The following GRM7 variants were observed in gnomAD, a reference collection of about 807,000 sequenced individuals.
GRM7 encodes metabotropic glutamate receptor 7.
A neutral mutation model predicts 84.5 loss-of-function variants in GRM7; 35 were observed. That is an observed-to-expected ratio of 0.41 (90% CI 0.32 to 0.55). GRM7 has a LOEUF of 0.55. GRM7 is among the 20% of genes least tolerant of loss of function. The probability of loss-of-function intolerance (pLI) is 0.19; values close to 1 mark genes in which losing one functional copy is unlikely to be tolerated. For synonymous variants in GRM7, 487 were observed against 455.1 expected, an observed-to-expected ratio of 1.07 and a Z score of -0.89; for missense variants, 1,003 against 1,194.6, an observed-to-expected ratio of 0.84 and a Z score of 2.36.
At chr3:7,202,949 T>A (rs1441547347) in intron 2 of GRM7, among the ~76,000 whole-genome samples, 2 of 151,988 alleles carry the variant, frequency 1.3e-5, no homozygotes, top group Non-Finnish European at 2.9e-5. Context: ...CATAACATTT[T>A]CTATTATTAA....
At chr3:7,256,319 A>C (rs539959912) in intron 2 of GRM7, among the ~76,000 whole-genome samples, 1 of 152,348 alleles carries the variant, frequency 6.6e-6, no homozygotes, top group African/African-American at 2.4e-5. Flanking sequence ...ACATTGTCTA[A>C]TGTCCATTAG....
At chr3:7,041,489 T>C (rs555586648) in intron 1 of GRM7, among the ~76,000 whole-genome samples, 5 of 152,248 alleles carry the variant, frequency 3.3e-5, no homozygotes, top group Non-Finnish European at 7.3e-5. Flanking sequence ...AGTATTCCAT[T>C]GTATGAACAT....
chr3:7,104,519 C>A lies in GRM7; in HGVS notation c.520-41933C>A, dbSNP rs549588635. On this transcript the variant is annotated intron_variant, in intron 1 of 9. Transcript: ENST00000357716. Reference sequence around the variant, plus strand: ...CTTATCAGTTAGGATCCATTATCAGCGCTACAGAAATAACTCTCAAATCTT... The same window carrying A: ...CTTATCAGTTAGGATCCATTATCAGAGCTACAGAAATAACTCTCAAATCTT... Among the ~76,000 whole-genome samples the A allele has an allele frequency of 2.0e-5, 3 of 151,864 alleles. No individual in the cohort carries two copies. In the East Asian group the frequency reaches 5.8e-4, roughly 29 times the overall value.
chr3:7,226,631 G>A (rs1696990730), intron 2 of GRM7, among the ~76,000 whole-genome samples: 1 of 152,126 alleles, frequency 6.6e-6, no homozygotes, highest in Non-Finnish European at 1.5e-5. Flanking sequence ...ATACTATGGT[G>A]GGACTTACAG....
At chr3:7,476,003 A>G (rs1490953594) in intron 7 of GRM7, among the ~76,000 whole-genome samples, 2 of 152,178 alleles carry the variant, frequency 1.3e-5, no homozygotes, top group African/African-American at 4.8e-5. Context: ...TTTTCTGAAA[A>G]AAATGGAGAG....
At chr3:7,232,770 C>T (rs1441393757) in intron 2 of GRM7, among the ~76,000 whole-genome samples, 2 of 152,152 alleles carry the variant, frequency 1.3e-5, no homozygotes. Flanking sequence ...ATGAAGTTTA[C>T]ACAGCTAGTA....
At chr3:7,514,458 T>C (rs551547583) in intron 7 of GRM7, among the ~76,000 whole-genome samples, 2 of 152,258 alleles carry the variant, frequency 1.3e-5, no homozygotes, top group East Asian at 3.9e-4. Context: ...TTTTCAGAAG[T>C]TTGGTCAAAG....
At chr3:7,226,143 G>A (rs1310534820) in intron 2 of GRM7, among the ~76,000 whole-genome samples, 5 of 152,130 alleles carry the variant, frequency 3.3e-5, no homozygotes, top group Non-Finnish European at 7.3e-5. Context: ...TTTAGAGCAG[G>A]TCTATTCATC....
intron 7 of GRM7, among the ~76,000 whole-genome samples, chr3:7,514,108 C>T (rs1297425489): frequency 6.6e-6 from 1 of 152,198 alleles, no homozygotes; most frequent in East Asian, 1.9e-4. Flanking sequence ...TGAGAATGAA[C>T]CTTCCAGAAA....
chr3:7,300,794 G>A (rs1699971810), intron 3 of GRM7, among the ~76,000 whole-genome samples: 1 of 149,936 alleles, frequency 6.7e-6, no homozygotes. Flanking sequence ...TTGTTTATGT[G>A]AATGGTGCCA....
chr3:7,037,367 C>A (rs1192280561), intron 1 of GRM7, among the ~76,000 whole-genome samples: 1 of 152,172 alleles, frequency 6.6e-6, no homozygotes, highest in South Asian at 2.1e-4. Flanking sequence ...GGGTTAGAAC[C>A]TAGCTGTATC....
At chr3:7,311,496 A>T (rs1329457815) in intron 4 of GRM7, among the ~76,000 whole-genome samples, 1 of 152,104 alleles carries the variant, frequency 6.6e-6, no homozygotes, top group East Asian at 1.9e-4. Context: ...CACCCATGTA[A>T]AGTCTTCTGT....
chr3:7,714,825 A>G (rs1031380458), intron 9 of GRM7, among the ~76,000 whole-genome samples: 1 of 152,212 alleles, frequency 6.6e-6, no homozygotes, highest in African/African-American at 2.4e-5. Flanking sequence ...CCAGAGGTCT[A>G]TTGGTGCAAC....
chr3:7,462,635 G>A (rs1054405297), intron 7 of GRM7, among the ~76,000 whole-genome samples: 2 of 152,326 alleles, frequency 1.3e-5, no homozygotes, highest in Admixed American at 6.5e-5. Flanking sequence ...CATTTCTTGG[G>A]AAGTGGAAGG....
chr3:6,863,119 C>T lies in GRM7; in HGVS notation c.519+1212C>T, dbSNP rs917680400. 8 of 347,860 alleles carry T rather than the reference C, an allele frequency of 2.3e-5. No individual in the cohort carries two copies. Among genetic ancestry groups the T allele is most frequent in the African/African-American group, 4.5e-5 (2 of 44,794 alleles). The allele number at this position is 347,860 out of a possible 1,614,324, so 21.5% of individuals were successfully genotyped here. ...CACTCTCTCTTTCTGTCTCTGTCTC[C>T]TTGCTGTTTTTTTTTTCTCTCTGTT... On this transcript the variant is annotated intron_variant, in intron 1 of 9. Coordinates refer to ENST00000357716, the MANE Select transcript of GRM7 (RefSeq NM_000844.4). This position sits in a 1 kb window ranked among gnomAD's most constrained non-coding sequence, Gnocchi z 4.8.
intron 1 of GRM7, among the ~76,000 whole-genome samples, chr3:7,131,667 T>G (rs1442984910): frequency 7.0e-6 from 1 of 141,944 alleles, no homozygotes; most frequent in African/African-American, 2.7e-5. Flanking sequence ...TTAGTAGAGA[T>G]GGGGTTTCAC....
At chr3:7,281,375 T>C (rs1699245855) in intron 2 of GRM7, among the ~76,000 whole-genome samples, 1 of 152,190 alleles carries the variant, frequency 6.6e-6, no homozygotes, top group South Asian at 2.1e-4. Flanking sequence ...ATGTCTTCTG[T>C]CTTATTAGTG....
At chr3:6,900,573 T>A (rs1237405093) in intron 1 of GRM7, among the ~76,000 whole-genome samples, 1 of 152,046 alleles carries the variant, frequency 6.6e-6, no homozygotes, top group Non-Finnish European at 1.5e-5. Flanking sequence ...TTGAAAAAAA[T>A]TATATTAACA....
At chr3:7,262,251 A>G (rs1698458530) in intron 2 of GRM7, among the ~76,000 whole-genome samples, 1 of 152,110 alleles carries the variant, frequency 6.6e-6, no homozygotes, top group South Asian at 2.1e-4. Flanking sequence ...TTTCAGTGAC[A>G]TAATTACATA....
Sources: gnomAD v4.1 joint callset for allele counts (sites outside exome capture counted in the v4.1 genomes callset) on GRCh38, gnomAD v4.1.1 for gene constraint, Gnocchi (gnomAD v3.1) non-coding constraint, MANE v1.5 for transcripts, NCBI Gene and HGNC (gene_info 2026-07-23, HGNC 2026-07-21) for gene names.